The following CNTN6 variants were observed in gnomAD, a reference collection of about 807,000 sequenced individuals.
CNTN6 encodes contactin-6.
A neutral mutation model predicts 122.8 loss-of-function variants in CNTN6; 137 were observed. The observed-to-expected ratio is 1.12, with a 90% CI of 0.97 to 1.29. The LOEUF (loss-of-function observed/expected upper bound fraction) is 1.29. Ranked by LOEUF, CNTN6 falls within the 50% of genes most tolerant of loss-of-function variation. The pLI is 0.00. For synonymous variants in CNTN6, 570 were observed against 426.0 expected (o/e 1.34, Z -4.16); for missense variants, 1,634 against 1,223.4 (o/e 1.34, Z -5.01).
At chr3:1,263,259 T>G (rs910011084) in intron 4 of CNTN6, among the ~76,000 whole-genome samples, 10 of 152,158 alleles carry the variant, frequency 6.6e-5, no homozygotes, top group Non-Finnish European at 1.5e-4. Flanking sequence ...CAAGCACAGA[T>G]TTATCTGACT....
chr3:1,370,506 G>A (rs1708859686), intron 12 of CNTN6, among the ~76,000 whole-genome samples: 1 of 152,092 alleles, frequency 6.6e-6, no homozygotes, highest in African/African-American at 2.4e-5. Context: ...AATGGGCATA[G>A]TCCACAAAAT....
At chr3:1,141,440 A>G (rs1235809722) in intron 1 of CNTN6, among the ~76,000 whole-genome samples, 1 of 152,194 alleles carries the variant, frequency 6.6e-6, no homozygotes, top group Non-Finnish European at 1.5e-5. Flanking sequence ...AATCCACACC[A>G]GTAAGACAAC....
chr3:1,277,430 G>T (rs751783051), intron 4 of CNTN6, among the ~76,000 whole-genome samples: 1 of 127,404 alleles, frequency 7.8e-6, no homozygotes, highest in Non-Finnish European at 1.6e-5. Flanking sequence ...CGCAATCTCG[G>T]CTCATTGCAA....
chr3:1,276,287 G>A (rs1229378789), intron 4 of CNTN6, among the ~76,000 whole-genome samples: 1 of 152,094 alleles, frequency 6.6e-6, no homozygotes, highest in African/African-American at 2.4e-5. Flanking sequence ...GGATAATGGT[G>A]TATCAATATT....
intron 5 of CNTN6, 90 bp from the exon 6 acceptor site, chr3:1,295,511 G>GA: frequency 9.4e-7 from 1 of 1,060,724 alleles, no homozygotes; most frequent in Non-Finnish European, 1.4e-6. Flanking sequence ...CCTAATTATG[G>GA]GGAAGTAAGA....
intron 12 of CNTN6, among the ~76,000 whole-genome samples, chr3:1,355,995 C>G (rs1343270937): frequency 4.6e-5 from 7 of 151,742 alleles, no homozygotes; most frequent in Admixed American, 1.3e-4. Context: ...TTAGCAGCAG[C>G]TTTTCCAGCG....
At chr3:1,222,616 A>C (rs2125530294) in intron 3 of CNTN6, among the ~76,000 whole-genome samples, 1 of 152,248 alleles carries the variant, frequency 6.6e-6, no homozygotes, top group African/African-American at 2.4e-5. Flanking sequence ...AATGGCTTTT[A>C]TTTCTAAGAT....
chr3:1,186,792 G>A (rs553848001), intron 2 of CNTN6, among the ~76,000 whole-genome samples: 8 of 151,668 alleles, frequency 5.3e-5, no homozygotes, highest in African/African-American at 9.7e-5. Flanking sequence ...TTCTGAAGTC[G>A]CTTGGTCCCA....
intron 1 of CNTN6, among the ~76,000 whole-genome samples, chr3:1,130,523 A>G (rs952368729): frequency 6.6e-6 from 1 of 152,122 alleles, no homozygotes; most frequent in Non-Finnish European, 1.5e-5. Flanking sequence ...GTTCCTGAGC[A>G]TTGTTCTGCA....
Position 1,161,111 on chromosome 3 carries a change from T to C in CNTN6, c.55+13048T>C, listed in dbSNP as rs990208371. On this transcript the variant is annotated intron_variant, in intron 2 of 22. Coordinates refer to ENST00000446702, the MANE Select transcript of CNTN6 (RefSeq NM_001289080.2). The stretch of plus-strand genomic sequence containing the variant: ...ATCTGGAAATCACTCATGGGTAGTA[T>C]TTACACCACAGCAACTGGCAAAAGC... Among the ~76,000 whole-genome samples, 21 of 152,084 alleles carry C rather than the reference T, an allele frequency of 1.4e-4. No homozygotes were observed. In the East Asian group the frequency reaches 3.1e-3, roughly 22 times the overall value.
chr3:1,325,873 G>T lies in CNTN6; in HGVS notation c.1005G>T (p.Leu335Phe), dbSNP rs1399752873. The change falls in exon 9 of 23, where the codon TTG (leucine) becomes TTT (phenylalanine). Residue 335 changes from leucine (L) to phenylalanine (F), a missense_variant. Transcript: ENST00000446702. ...QNTHLSIYDN[L>F]LWECKASGKP... ...CACACCTCTCTATCTATGACAACTT[G>T]CTCTGGGAATGTAAAGCTAGTGGAA... 6.2e-6 allele frequency: 10 copies of T among 1,611,938 alleles called. No individual in the cohort carries two copies. The highest frequency in any genetic ancestry group is 8.5e-6 in the Non-Finnish European group (10 of 1,178,726).
At chr3:1,240,214 A>AATC (rs2094465085) in intron 4 of CNTN6, among the ~76,000 whole-genome samples, 1 of 152,294 alleles carries the variant, frequency 6.6e-6, no homozygotes, top group African/African-American at 2.4e-5. Context: ...CCAAAGAAAT[A>AATC]ATCATGAGAG....
chr3:1,320,348 G>A (rs1038771117), intron 7 of CNTN6, among the ~76,000 whole-genome samples: 7 of 151,576 alleles, frequency 4.6e-5, no homozygotes, highest in Non-Finnish European at 7.4e-5. Context: ...GTACATAGGA[G>A]GATAATAATT....
At chr3:1,187,097 C>A (rs1172803952) in intron 2 of CNTN6, among the ~76,000 whole-genome samples, 1 of 152,046 alleles carries the variant, frequency 6.6e-6, no homozygotes, top group Non-Finnish European at 1.5e-5. Flanking sequence ...GAATGGCTTG[C>A]GAAAAGCCTT....
intron 7 of CNTN6, among the ~76,000 whole-genome samples, chr3:1,311,304 TG>T (rs960224952): frequency 6.9e-6 from 1 of 144,498 alleles, no homozygotes; most frequent in African/African-American, 2.5e-5. Context: ...TATACGTATA[TG>T]TACATATAAA....
At chr3:1,215,049 G>A (rs1284336800) in intron 2 of CNTN6, among the ~76,000 whole-genome samples, 1 of 152,168 alleles carries the variant, frequency 6.6e-6, no homozygotes, top group Non-Finnish European at 1.5e-5. Context: ...ATGAGCCCCT[G>A]TGCCCATCCT....
intron 1 of CNTN6, among the ~76,000 whole-genome samples, chr3:1,134,402 C>A (rs548692163): frequency 2.2e-4 from 34 of 152,076 alleles, no homozygotes; most frequent in Admixed American, 1.4e-3. Flanking sequence ...CTACAGTGTG[C>A]TCTGTGGAAC....
At chr3:1,181,222 G>A (rs550295320) in intron 2 of CNTN6, among the ~76,000 whole-genome samples, 154 of 152,040 alleles carry the variant, frequency 1.0e-3, no homozygotes, top group African/African-American at 3.6e-3. Context: ...TAAGATCATT[G>A]AAGGTGACCT....
At chr3:1,319,472 T>G (rs1177254087) in intron 7 of CNTN6, among the ~76,000 whole-genome samples, 1 of 151,662 alleles carries the variant, frequency 6.6e-6, no homozygotes, top group African/African-American at 2.4e-5. Context: ...TGTTGTAATA[T>G]TATTACAATT....
Sources: gnomAD v4.1 joint callset for allele counts (sites outside exome capture counted in the v4.1 genomes callset) on GRCh38, gnomAD v4.1.1 for gene constraint, MANE v1.5 for transcripts, NCBI Gene and HGNC (gene_info 2026-07-23, HGNC 2026-07-21) for gene names.